The following GDNF variants were observed in gnomAD, a reference collection of about 807,000 sequenced individuals.
The protein encoded by GDNF is glial cell line-derived neurotrophic factor.
In GDNF, 5 loss-of-function variants were observed where a neutral mutation model predicts 13.7. The observed-to-expected ratio is 0.36, with a 90% confidence interval of 0.19 to 0.77. GDNF has a LOEUF of 0.77. GDNF is among the 30% of genes least tolerant of loss of function. The pLI is 0.51. For missense variants in GDNF, 246 were observed against 274.3 expected, an observed-to-expected ratio of 0.90 and a Z score of 0.73; for synonymous variants, 122 against 112.5, an observed-to-expected ratio of 1.08 and a Z score of -0.53.
chr5:37,815,514 CTCCTCCTCT>C lies in GDNF; in HGVS notation c.*128_*136del, dbSNP rs926872946. 19 of 791,098 alleles carry C rather than the reference CTCCTCCTCT, an allele frequency of 2.4e-5. No individual in the cohort carries two copies. The African/African-American group carries it at 3.1e-4, about 13-fold the overall frequency. 49.0% of individuals were successfully genotyped at this position (791,098 alleles called of 1,614,324 possible). On this transcript the variant is annotated 3_prime_UTR_variant, in exon 3 of 3. Transcript: ENST00000326524. The surrounding 1 kb of genome is among the most constrained non-coding windows in gnomAD (Gnocchi z 5.0). ...CCTCCTCCTCCTCCTCCTCCTCCTC[CTCCTCCTCT>C]TCTTCTTCCTCCTCCTCCGCCTCCT...
At position 37,834,842 on chromosome 5, in the gene GDNF, G is replaced by GT; in HGVS notation, c.-26-21dup. The GT allele has an allele frequency of 6.2e-7, 1 of 1,610,480 alleles. No individual in the cohort carries two copies. Among genetic ancestry groups the GT allele is most frequent in the Non-Finnish European group, 8.5e-7 (1 of 1,177,700 alleles). On this transcript the variant is annotated intron_variant, in intron 1 of 2. Transcript: ENST00000326524. ...CGGCACCTGCGCGGGCAGGCGGGAG[G>GT]TGGGGGAGAGAACCGCAGAATGCAC...
At chr5:37,826,747 A>C (rs967874094) in intron 2 of GDNF, among the ~76,000 whole-genome samples, 3 of 152,194 alleles carry the variant, frequency 2.0e-5, no homozygotes, top group Non-Finnish European at 4.4e-5. Context: ...CACATGTGCC[A>C]TGTCCTAAAA....
At chr5:37,835,544 T>A (rs962082583) in intron 1 of GDNF, 8 of 1,478,848 alleles carry the variant, frequency 5.4e-6, no homozygotes, top group Middle Eastern at 1.7e-4. Context: ...CGATTTAAAA[T>A]ACTCCTCCCA....
In GDNF at chr5:37,838,920, G is replaced by T. The variant is rs1370953888; in HGVS notation, c.-27+587C>A. Among the ~76,000 whole-genome samples, 5 of 152,190 alleles carry T rather than the reference G, an allele frequency of 3.3e-5. No individual in the cohort carries two copies. Among genetic ancestry groups the T allele is most frequent in the Non-Finnish European group, 7.3e-5 (5 of 68,030 alleles). On this transcript the variant is annotated intron_variant, in intron 1 of 2. Transcript: ENST00000326524. This position sits in a 1 kb window ranked among gnomAD's most constrained non-coding sequence, Gnocchi z 4.1. ...TCGACGGGGATGGTTAGTTGGGGTG[G>T]AGGGCGTTAGGAACGTGCAGGCAAC...
chr5:37,815,824 T>C lies in GDNF; in HGVS notation c.463A>G (p.Thr155Ala), dbSNP rs751574953. The stretch of plus-strand genomic sequence containing the variant: ...AAGTTTTTCAATATTTTGTCGTACG[T>C]TGTCTCAGCTGCATCGCAAGAGCCG... ...CSGSCDAAETTYDKILKNLSR... is the reference protein window; with the variant it reads ...CSGSCDAAETAYDKILKNLSR... Residue 155 changes from threonine (T) to alanine (A), a missense_variant, in exon 3 of 3, where the codon ACG (threonine) becomes GCG (alanine). Physicochemically the swap from Thr to Ala is moderately conservative, Grantham distance 58 (BLOSUM62 0). Transcript: ENST00000326524. This position sits in a 1 kb window ranked among gnomAD's most constrained non-coding sequence, Gnocchi z 5.0. The C allele has an allele frequency of 1.2e-6, 2 of 1,614,120 alleles. No individual in the cohort carries two copies. The highest frequency in any genetic ancestry group is 1.1e-5 in the South Asian group (1 of 91,074).
At chr5:37,836,748 G>T (rs1750722073) in intron 1 of GDNF, among the ~76,000 whole-genome samples, 1 of 152,230 alleles carries the variant, frequency 6.6e-6, no homozygotes, top group South Asian at 2.1e-4. Flanking sequence ...GGGTTAATGC[G>T]CCATTCCAAA....
At chr5:37,834,913 C>T (rs2111722250) in intron 1 of GDNF, 91 bp from the exon 2 acceptor site, 4 of 1,152,888 alleles carry the variant, frequency 3.5e-6, no homozygotes, top group Non-Finnish European at 3.8e-6. Context: ...TCTCCAACCT[C>T]GTCACCGCCC....
intron 2 of GDNF, chr5:37,823,527 C>T (rs1750211423): frequency 6.6e-6 from 1 of 152,212 alleles, no homozygotes; most frequent in South Asian, 2.1e-4. Flanking sequence ...CTCCTGTGTC[C>T]TGGTTCTTGC....
Position 37,834,631 on chromosome 5 carries a change from G to A in GDNF, c.151+15C>T, listed in dbSNP as rs1276322038. On this transcript the variant is annotated intron_variant, in intron 2 of 2. Coordinates refer to ENST00000326524, the MANE Select transcript of GDNF (RefSeq NM_000514.4). Reference sequence around the variant, plus strand: ...TCCGCCGGCGGCCCCCCCGCGGGGAGGGAACGGTTCTTACAGTCACTGCTC... The same window carrying A: ...TCCGCCGGCGGCCCCCCCGCGGGGAAGGAACGGTTCTTACAGTCACTGCTC... 3 of 1,509,734 alleles carry A rather than the reference G, an allele frequency of 2.0e-6. No homozygotes were observed. The highest frequency in any genetic ancestry group is 2.6e-6 in the Non-Finnish European group (3 of 1,133,632). 93.5% of individuals were successfully genotyped at this position (1,509,734 alleles called of 1,614,324 possible).
intron 2 of GDNF, among the ~76,000 whole-genome samples, chr5:37,817,854 T>C (rs1307011879): frequency 1.3e-5 from 2 of 152,194 alleles, no homozygotes; most frequent in Non-Finnish European, 2.9e-5. Flanking sequence ...ATCTATTTTC[T>C]ACCCAGCACC....
At position 37,813,241 on chromosome 5, in the gene GDNF, G is replaced by A. The variant is rs1023456332; in HGVS notation, c.*2410C>T. On this transcript the variant is annotated 3_prime_UTR_variant, in exon 3 of 3. Transcript: ENST00000326524. ...AAGGGGAGCAGAAAGGACAGAGAAG[G>A]GCAGAACCATGAAGAATTTGGGTAT... 1.3e-5 allele frequency: 2 copies of A among 152,238 alleles called. No homozygotes were observed. Among genetic ancestry groups the A allele is most frequent in the Non-Finnish European group, 2.9e-5 (2 of 68,090 alleles). 9.4% of individuals were successfully genotyped at this position (152,238 alleles called of 1,614,324 possible). A position where few individuals can be genotyped will look rare whatever the true frequency, so the allele number is the denominator to read the frequency against.
chr5:37,836,323 A>T (rs1750701999), intron 1 of GDNF, among the ~76,000 whole-genome samples: 1 of 151,486 alleles, frequency 6.6e-6, no homozygotes, highest in Non-Finnish European at 1.5e-5. Context: ...CCTCATCTCT[A>T]CCCGGAACCC....
intron 2 of GDNF, among the ~76,000 whole-genome samples, chr5:37,825,036 T>C (rs1339572878): frequency 6.6e-6 from 1 of 152,192 alleles, no homozygotes; most frequent in African/African-American, 2.4e-5. Flanking sequence ...CTTTAGAATA[T>C]AGAAAAAGAA....
intron 2 of GDNF, among the ~76,000 whole-genome samples, chr5:37,825,140 T>G (rs1341784574): frequency 6.6e-6 from 1 of 152,216 alleles, no homozygotes; most frequent in Non-Finnish European, 1.5e-5. Flanking sequence ...ACATACTAGT[T>G]GTACTATATC....
Position 37,815,506 on chromosome 5 carries a change from T to TCCTCCTCCTCCA in GDNF, c.*144_*145insTGGAGGAGGAGG. On this transcript the variant is annotated 3_prime_UTR_variant, in exon 3 of 3. Transcript: ENST00000326524. The surrounding 1 kb of genome is among the most constrained non-coding windows in gnomAD (Gnocchi z 5.0). ...GCTGCCTTCCTCCTCCTCCTCCTCC[T>TCCTCCTCCTCCA]CCTCCTCCTCCTCCTCTTCTTCTTC... 2 of 743,820 alleles carry TCCTCCTCCTCCA rather than the reference T, an allele frequency of 2.7e-6. No individual in the cohort carries two copies. The highest frequency in any genetic ancestry group is 1.7e-5 in the African/African-American group (1 of 57,394). 46.1% of individuals were successfully genotyped at this position (743,820 alleles called of 1,614,324 possible). A position where few individuals can be genotyped will look rare whatever the true frequency, so the allele number is the denominator to read the frequency against.
rs1257106699 is a variant in GDNF, at chr5:37,839,867, T to TC, written c.-388dup. 1.3e-5 allele frequency: 2 copies of TC among 152,318 alleles called. No individual in the cohort carries two copies. Among genetic ancestry groups the TC allele is most frequent in the Non-Finnish European group, 2.9e-5 (2 of 68,288 alleles). 9.4% of individuals were successfully genotyped at this position (152,318 alleles called of 1,614,324 possible). A position where few individuals can be genotyped will look rare whatever the true frequency, so the allele number is the denominator to read the frequency against. On this transcript the variant is annotated 5_prime_UTR_variant, in exon 1 of 3. It removes the in-frame stop codon of an upstream open reading frame in the 5' UTR. Transcript: ENST00000326524. This position sits in a 1 kb window ranked among gnomAD's most constrained non-coding sequence, Gnocchi z 5.5. The stretch of plus-strand genomic sequence containing the variant: ...GCGGGCCCGGGGCGCTGCGGGCGGC[T>TC]CAGCGGCAGCTGCCGCGCTCTGCGC...
rs1750825639 is a variant in GDNF, at chr5:37,839,653, C to G, written c.-173G>C. The G allele has an allele frequency of 6.6e-6, 1 of 152,268 alleles. No individual in the cohort carries two copies. The highest frequency in any genetic ancestry group is 1.5e-5 in the Non-Finnish European group (1 of 68,096). 9.4% of individuals were successfully genotyped at this position (152,268 alleles called of 1,614,324 possible). ...AAGAGTTCGCAATCCTGGGGTCGCGCGGGGCAGCAAGGGCGCGCTGGAGGC... is the reference window on the plus strand; with the variant it reads ...AAGAGTTCGCAATCCTGGGGTCGCGGGGGGCAGCAAGGGCGCGCTGGAGGC... On this transcript the variant is annotated 5_prime_UTR_variant, in exon 1 of 3. Coordinates refer to ENST00000326524, the MANE Select transcript of GDNF (RefSeq NM_000514.4). The surrounding 1 kb of genome is among the most constrained non-coding windows in gnomAD (Gnocchi z 5.5).
At chr5:37,826,696 T>C (rs1581584345) in intron 2 of GDNF, among the ~76,000 whole-genome samples, 1 of 152,222 alleles carries the variant, frequency 6.6e-6, no homozygotes, top group Admixed American at 6.5e-5. Context: ...GCAGTGCCTA[T>C]GGGTGGTTGA....
chr5:37,825,218 T>A (rs1750266406), intron 2 of GDNF, among the ~76,000 whole-genome samples: 1 of 152,184 alleles, frequency 6.6e-6, no homozygotes, highest in Non-Finnish European at 1.5e-5. Flanking sequence ...ACTCCATCAA[T>A]ACAAACAGCC....
Sources: gnomAD v4.1 joint callset for allele counts (sites outside exome capture counted in the v4.1 genomes callset) on GRCh38, gnomAD v4.1.1 for gene constraint, Gnocchi (gnomAD v3.1) non-coding constraint, MANE v1.5 for transcripts, NCBI Gene and HGNC (gene_info 2026-07-23, HGNC 2026-07-21) for gene names.